TDRD12: variants seen among roughly 807,000 people sequenced by gnomAD.
The protein encoded by TDRD12 is putative ATP-dependent RNA helicase TDRD12.
In TDRD12, 158 loss-of-function variants were observed where a neutral mutation model predicts 133.5. That is an observed-to-expected ratio of 1.18 (90% CI 1.04 to 1.35). The LOEUF (loss-of-function observed/expected upper bound fraction) is 1.35, where lower values mean the gene tolerates loss of function less well. Among genes scored for constraint, TDRD12 ranks in the 40% most tolerant of loss-of-function variants. The probability of loss-of-function intolerance (pLI) is 0.00; values close to 1 mark genes in which losing one functional copy is unlikely to be tolerated. For synonymous variants in TDRD12, 460 were observed against 477.9 expected, an observed-to-expected ratio of 0.96 and a Z score of 0.49; for missense variants, 1,443 against 1,321.3, an observed-to-expected ratio of 1.09 and a Z score of -1.43.
At chr19:32,734,981 G>A (rs1390094180) in intron 2 of TDRD12, among the ~76,000 whole-genome samples, 1 of 152,196 alleles carries the variant, frequency 6.6e-6, no homozygotes, top group Non-Finnish European at 1.5e-5. Flanking sequence ...ATCAATAAAT[G>A]TGTGTTCTGA....
intron 8 of TDRD12, among the ~76,000 whole-genome samples, chr19:32,757,905 G>A (rs1382295684): frequency 6.6e-6 from 1 of 152,152 alleles, no homozygotes; most frequent in African/African-American, 2.4e-5. Flanking sequence ...CTGTACTTCA[G>A]ATTATTTTCA....
intron 11 of TDRD12, among the ~76,000 whole-genome samples, chr19:32,785,531 C>T (rs754736138): frequency 5.9e-5 from 9 of 152,188 alleles, no homozygotes; most frequent in Non-Finnish European, 1.3e-4. Flanking sequence ...TTTTCTGTCT[C>T]GTTGATCTGT....
chr19:32,729,772 C>CTT (rs1226886582), intron 1 of TDRD12, among the ~76,000 whole-genome samples: 1 of 76,116 alleles, frequency 1.3e-5, no homozygotes, highest in Non-Finnish European at 2.8e-5. Flanking sequence ...ACTACTTTTT[C>CTT]TTTTTCTTTT....
intron 27 of TDRD12, among the ~76,000 whole-genome samples, chr19:32,819,238 G>A (rs1238219065): frequency 6.6e-6 from 1 of 151,352 alleles, no homozygotes; most frequent in Non-Finnish European, 1.5e-5. Flanking sequence ...GATTGGTTGA[G>A]CCCAGGAGGT....
At chr19:32,735,299 G>A (rs1423834929) in intron 2 of TDRD12, among the ~76,000 whole-genome samples, 5 of 152,138 alleles carry the variant, frequency 3.3e-5, no homozygotes, top group Non-Finnish European at 7.3e-5. Context: ...AAAAGAAGCA[G>A]CCTTATTGGT....
At chr19:32,738,806 CTG>C in intron 2 of TDRD12, 48 bp from the exon 3 acceptor site, 1 of 1,536,324 alleles carries the variant, frequency 6.5e-7, no homozygotes, top group Non-Finnish European at 8.8e-7. Flanking sequence ...GAGTAACACT[CTG>C]TCTCAAAAAA....
At chr19:32,746,617 T>TGA (rs748937347) in intron 4 of TDRD12, among the ~76,000 whole-genome samples, 43 of 136,148 alleles carry the variant, frequency 3.2e-4, no homozygotes, top group African/African-American at 1.1e-3. Context: ...TCTGTGTGTG[T>TGA]GAGAGAGAGA....
chr19:32,809,817 AG>A (rs1216825901), intron 22 of TDRD12, among the ~76,000 whole-genome samples: 1 of 152,262 alleles, frequency 6.6e-6, no homozygotes, highest in East Asian at 1.9e-4. Flanking sequence ...AAGGTAAACA[AG>A]GAACACTTAT....
exon 4 of TDRD12, chr19:32,742,806 A>G (rs1289552218): frequency 1.3e-6 from 2 of 1,551,926 alleles, no homozygotes; most frequent in East Asian, 2.4e-5. Context: ...AGAATCGTTT[A>G]TGCAGCTTCC....
intron 19 of TDRD12, among the ~76,000 whole-genome samples, chr19:32,802,265 TATG>T (rs1308554534): frequency 6.7e-6 from 1 of 148,880 alleles, no homozygotes; most frequent in Non-Finnish European, 1.5e-5. Flanking sequence ...TGATCATATA[TATG>T]ATCATATATA....
intron 1 of TDRD12, among the ~76,000 whole-genome samples, chr19:32,728,529 A>G (rs1444498983): frequency 2.0e-5 from 3 of 152,074 alleles, no homozygotes; most frequent in Admixed American, 2.0e-4. Flanking sequence ...ATGAATAAAG[A>G]CAATTTTATT....
chr19:32,734,665 G>A (rs1005289101), intron 2 of TDRD12, among the ~76,000 whole-genome samples: 8 of 152,024 alleles, frequency 5.3e-5, no homozygotes, highest in African/African-American at 1.2e-4. Flanking sequence ...GAATCACTGC[G>A]CCTGGCCCTT....
chr19:32,732,164 C>T (rs1346026344), intron 2 of TDRD12, among the ~76,000 whole-genome samples: 1 of 152,192 alleles, frequency 6.6e-6, no homozygotes, highest in Non-Finnish European at 1.5e-5. Flanking sequence ...CCACCACACT[C>T]AGCTAATTTT....
chr19:32,739,131 G>A, intron 3 of TDRD12, 139 bp downstream of exon 3: 1 of 1,085,936 alleles, frequency 9.2e-7, no homozygotes, highest in Non-Finnish European at 1.3e-6. Flanking sequence ...GCTTCCAGAA[G>A]GGGTGCTTTC....
intron 3 of TDRD12, among the ~76,000 whole-genome samples, chr19:32,739,977 T>C (rs1237579161): frequency 2.5e-5 from 3 of 119,936 alleles, no homozygotes; most frequent in African/African-American, 3.4e-5. Context: ...ATCTCCTGGG[T>C]GCTGTCTGCA....
Position 32,731,880 on chromosome 19 carries a change from A to G in TDRD12, c.180A>G (p.Gly60=), listed in dbSNP as rs893931422. ...TAAAACCCTTAACATTGGAAGAAGG[A>G]CAGGTATGTATCTAAATGTTCTTTA... Residue 60 remains glycine (G), a synonymous_variant, in exon 2 of 28, where the codon GGA becomes GGG. Coordinates refer to ENST00000444215, the Ensembl canonical transcript of TDRD12. The G allele has an allele frequency of 2.6e-6, 4 of 1,543,836 alleles. No homozygotes were observed. In the African/African-American group the frequency reaches 4.1e-5, roughly 16 times the overall value.
In TDRD12 at chr19:32,785,209, C is replaced by T. The variant is rs540450197; in HGVS notation, c.1122-5322C>T. ...AACATCTTTATTTCTGCCTTCATTT[C>T]ATTATGTATCCAGTAGTCATTCAGG... On this transcript the variant is annotated intron_variant, in intron 11 of 27. Transcript: ENST00000444215. 9.9e-5 allele frequency among the ~76,000 whole-genome samples: 15 copies of T among 152,258 alleles called. No homozygotes were observed. In the South Asian group the frequency reaches 3.1e-3, roughly 32 times the overall value.
intron 13 of TDRD12, among the ~76,000 whole-genome samples, chr19:32,791,794 A>G (rs1486069941): frequency 6.6e-6 from 1 of 152,084 alleles, no homozygotes; most frequent in Non-Finnish European, 1.5e-5. Flanking sequence ...TCTCCCATGA[A>G]CAGGGCCTGC....
intron 25 of TDRD12, among the ~76,000 whole-genome samples, chr19:32,814,746 C>A (rs1296408792): frequency 2.0e-5 from 3 of 152,200 alleles, no homozygotes; most frequent in African/African-American, 7.2e-5. Context: ...CCCACCCTCA[C>A]CATCTCCACC....
Sources: allele counts gnomAD v4.1 joint callset (sites outside exome capture counted in the v4.1 genomes callset), GRCh38; gene constraint gnomAD v4.1.1; transcripts MANE v1.5; gene names NCBI Gene and HGNC (gene_info 2026-07-23, HGNC 2026-07-21).